NALF1: variants seen among roughly 807,000 people sequenced by gnomAD.
The protein encoded by NALF1 is family with sequence similarity 155 member A.
Under a neutral mutation model 48.4 loss-of-function variants are expected in NALF1, and 3 were observed. That is an observed-to-expected ratio of 0.06 (90% CI 0.03 to 0.16). NALF1 has a LOEUF of 0.16. NALF1 is among the 10% of genes least tolerant of loss of function. The pLI is 1.00. For missense variants in NALF1, 526 were observed against 571.5 expected (o/e 0.92, Z 0.81); for synonymous variants, 262 against 245.7 (o/e 1.07, Z -0.62).
chr13:107,824,029 C>T (rs1315513700), intron 1 of NALF1, among the ~76,000 whole-genome samples: 4 of 151,474 alleles, frequency 2.6e-5, no homozygotes, highest in Admixed American at 2.6e-4. Flanking sequence ...TCCTTAAAGG[C>T]AAAGGCTGTT....
At chr13:107,192,858 G>A (rs770439934) in intron 2 of NALF1, among the ~76,000 whole-genome samples, 2 of 152,090 alleles carry the variant, frequency 1.3e-5, no homozygotes, top group Non-Finnish European at 2.9e-5. Context: ...AAAGGCTTAA[G>A]CTTTTGCATA....
At chr13:107,350,764 A>G (rs773313116) in intron 1 of NALF1, among the ~76,000 whole-genome samples, 2 of 152,212 alleles carry the variant, frequency 1.3e-5, no homozygotes, top group Non-Finnish European at 2.9e-5. Flanking sequence ...ATGCATCAGA[A>G]TCACTCAGAA....
At chr13:107,804,623 A>C (rs763282170) in intron 1 of NALF1, among the ~76,000 whole-genome samples, 1 of 152,062 alleles carries the variant, frequency 6.6e-6, no homozygotes, top group Non-Finnish European at 1.5e-5. Context: ...CTTGCACTGA[A>C]TGTGTTCTTT....
chr13:107,764,464 C>CAG (rs754650185), intron 1 of NALF1, among the ~76,000 whole-genome samples: 1 of 151,786 alleles, frequency 6.6e-6, no homozygotes, highest in Non-Finnish European at 1.5e-5. Flanking sequence ...CGTATGTAGA[C>CAG]AGAGAGAGAG....
intron 1 of NALF1, among the ~76,000 whole-genome samples, chr13:107,352,062 C>T (rs952968506): frequency 1.3e-5 from 2 of 152,226 alleles, no homozygotes; most frequent in Admixed American, 6.5e-5. Context: ...GTCCTATATT[C>T]ACTTTAGGGT....
intron 1 of NALF1, among the ~76,000 whole-genome samples, chr13:107,239,224 A>T (rs1880414785): frequency 6.6e-6 from 1 of 152,214 alleles, no homozygotes; most frequent in African/African-American, 2.4e-5. Context: ...TCTCACAGTT[A>T]TGGATGCTAG....
intron 1 of NALF1, among the ~76,000 whole-genome samples, chr13:107,675,122 C>T (rs1185120226): frequency 6.6e-6 from 1 of 152,186 alleles, no homozygotes; most frequent in Non-Finnish European, 1.5e-5. Context: ...TTTTTAAAGG[C>T]TCAATTCAAA....
chr13:107,318,205 AAT>A (rs1261890821), intron 1 of NALF1, among the ~76,000 whole-genome samples: 1 of 152,154 alleles, frequency 6.6e-6, no homozygotes, highest in Admixed American at 6.6e-5. Flanking sequence ...TTTCTGACAA[AAT>A]ATGTCAATCA....
At chr13:107,567,865 G>C (rs955986660) in intron 1 of NALF1, among the ~76,000 whole-genome samples, 7 of 152,142 alleles carry the variant, frequency 4.6e-5, no homozygotes, top group Non-Finnish European at 1.0e-4. Flanking sequence ...TTACATAAAT[G>C]AAACTACGTG....
At chr13:107,391,696 G>A (rs1450304996) in intron 1 of NALF1, among the ~76,000 whole-genome samples, 3 of 152,118 alleles carry the variant, frequency 2.0e-5, no homozygotes, top group African/African-American at 7.2e-5. Flanking sequence ...CTTGTCTTCA[G>A]ACAAATTCAA....
At chr13:107,433,975 T>G (rs576095470) in intron 1 of NALF1, among the ~76,000 whole-genome samples, 1 of 152,272 alleles carries the variant, frequency 6.6e-6, no homozygotes, top group South Asian at 2.1e-4. Flanking sequence ...ATTGCTATGT[T>G]ACTAGAAAAT....
intron 1 of NALF1, among the ~76,000 whole-genome samples, chr13:107,508,761 C>T (rs1011477329): frequency 1.3e-5 from 2 of 152,016 alleles, no homozygotes; most frequent in African/African-American, 4.8e-5. Context: ...AATCTCACAA[C>T]TGATGCAAAA....
intron 1 of NALF1, among the ~76,000 whole-genome samples, chr13:107,350,499 A>G (rs954351369): frequency 6.6e-6 from 1 of 152,220 alleles, no homozygotes; most frequent in Admixed American, 6.5e-5. Flanking sequence ...ACTTAAAACA[A>G]TCAGTGAAGC....
intron 1 of NALF1, among the ~76,000 whole-genome samples, chr13:107,540,212 T>C (rs551896220): frequency 5.5e-4 from 84 of 152,232 alleles, no homozygotes; most frequent in African/African-American, 1.9e-3. Flanking sequence ...TCTTTAAGTA[T>C]AGTAGGAATA....
At chr13:107,295,755 A>G (rs1363779441) in intron 1 of NALF1, among the ~76,000 whole-genome samples, 1 of 152,236 alleles carries the variant, frequency 6.6e-6, no homozygotes, top group Non-Finnish European at 1.5e-5. Context: ...AAGTAATGAT[A>G]TTTTAAAGTC....
chr13:107,659,104 C>T, intron 1 of NALF1, among the ~76,000 whole-genome samples: 1 of 133,254 alleles, frequency 7.5e-6, no homozygotes. Flanking sequence ...CACTGACACA[C>T]TGACACACAG....
intron 1 of NALF1, among the ~76,000 whole-genome samples, chr13:107,731,997 G>T (rs978008688): frequency 6.6e-6 from 1 of 152,140 alleles, no homozygotes; most frequent in Non-Finnish European, 1.5e-5. Context: ...AAAAATAGTG[G>T]AATTTAGAAT....
Position 107,863,867 on chromosome 13 carries a change from G to A in NALF1, c.915+1815C>T, listed in dbSNP as rs541500102. Among the ~76,000 whole-genome samples, 58 of 152,194 alleles carry A rather than the reference G, an allele frequency of 3.8e-4. 1 individual carries two copies. Among genetic ancestry groups the A allele is most frequent in the African/African-American group, 1.4e-3 (57 of 41,548 alleles). Reference sequence around the variant, plus strand: ...ATTTGGCATGCTCATTTGAAAATACGCTGCAGTCTATTGTCAATACAGACT... The same window carrying A: ...ATTTGGCATGCTCATTTGAAAATACACTGCAGTCTATTGTCAATACAGACT... On this transcript the variant is annotated intron_variant, in intron 1 of 2. Transcript: ENST00000375915.
At chr13:107,682,074 CA>C (rs1474048513) in intron 1 of NALF1, among the ~76,000 whole-genome samples, 1 of 152,140 alleles carries the variant, frequency 6.6e-6, no homozygotes, top group Non-Finnish European at 1.5e-5. Context: ...TATTAAAACA[CA>C]ATTGCTGGAC....
Sources: gnomAD v4.1 joint callset for allele counts (sites outside exome capture counted in the v4.1 genomes callset) on GRCh38, gnomAD v4.1.1 for gene constraint, MANE v1.5 for transcripts, NCBI Gene and HGNC (gene_info 2026-07-23, HGNC 2026-07-21) for gene names.